Variants in MCOLN2 observed in about 807,000 individuals in gnomAD.
The protein encoded by MCOLN2 is mucolipin-2.
Under a neutral mutation model 67.5 loss-of-function variants are expected in MCOLN2, and 57 were observed. That is an observed-to-expected ratio of 0.84 (90% CI 0.68 to 1.05). The LOEUF is 1.05. Ranked by LOEUF, MCOLN2 falls within the 50% of genes least tolerant of loss-of-function variation. The pLI, the probability that MCOLN2 is intolerant of heterozygous loss-of-function variation, is 0.00. For missense variants in MCOLN2, 620 were observed against 678.8 expected (o/e 0.91, Z 0.96); for synonymous variants, 246 against 233.3 (o/e 1.05, Z -0.50).
At chr1:84,989,324 A>G (rs941705184) in intron 1 of MCOLN2, among the ~76,000 whole-genome samples, 4 of 152,226 alleles carry the variant, frequency 2.6e-5, no homozygotes, top group Admixed American at 6.5e-5. Flanking sequence ...AGTCTAAAAT[A>G]TTAGTATTAA....
chr1:84,975,520 C>G (rs1326958795), intron 1 of MCOLN2, among the ~76,000 whole-genome samples: 1 of 152,140 alleles, frequency 6.6e-6, no homozygotes, highest in Non-Finnish European at 1.5e-5. Context: ...TCACAATGCC[C>G]AAGTCCTTTC....
chr1:84,937,764 G>C lies in MCOLN2; in HGVS notation c.1326C>G (p.Tyr442Ter), dbSNP rs768442819. 6.2e-7 allele frequency: 1 copy of C among 1,614,160 alleles called. No homozygotes were observed. Among genetic ancestry groups the C allele is most frequent in the Non-Finnish European group, 8.5e-7 (1 of 1,180,034 alleles). Reference protein sequence around the residue: ...TFCGWIVLGPYHDKFENLNTV... With the variant: ...TFCGWIVLGP ...AATGTGAGCTACACACCTTGTCATG[G>C]TATGGTCCTAAGACAATCCAGCCAC... The change falls in exon 11 of 14, where the codon TAC becomes TAG. Residue 442 changes from tyrosine (Y) to a stop codon, truncating the protein, a stop_gained. Coordinates refer to ENST00000370608, the MANE Select transcript of MCOLN2 (RefSeq NM_153259.4). LOFTEE classifies it high-confidence loss of function.
At chr1:84,990,932 C>A (rs1352417146) in intron 1 of MCOLN2, among the ~76,000 whole-genome samples, 1 of 149,214 alleles carries the variant, frequency 6.7e-6, no homozygotes, top group Non-Finnish European at 1.5e-5. Flanking sequence ...ACGACCCAGG[C>A]TGGAAAAAAA....
intron 7 of MCOLN2, among the ~76,000 whole-genome samples, chr1:84,943,543 A>G (rs923898838): frequency 6.6e-6 from 1 of 152,110 alleles, no homozygotes; most frequent in Admixed American, 6.5e-5. Flanking sequence ...AGAGTCTTCC[A>G]CAGCAACACC....
chr1:84,928,708 C>A (rs372096455), intron 13 of MCOLN2, among the ~76,000 whole-genome samples: 8 of 152,190 alleles, frequency 5.3e-5, no homozygotes, highest in Admixed American at 4.6e-4. Context: ...GAAAACAACT[C>A]TTCTCAGATC....
chr1:84,955,363 C>T (rs988820215), intron 4 of MCOLN2, among the ~76,000 whole-genome samples: 2 of 151,920 alleles, frequency 1.3e-5, no homozygotes, highest in East Asian at 1.9e-4. Context: ...TTTCACGGTG[C>T]GAAACATGTT....
At chr1:84,929,467 C>T (rs1661299849) in intron 13 of MCOLN2, 91 bp downstream of exon 13, 1 of 1,364,224 alleles carries the variant, frequency 7.3e-7, no homozygotes, top group Admixed American at 2.4e-5. Context: ...ATAAGCTGGT[C>T]TCTGAATGTA....
At chr1:84,927,499 T>C (rs1661221219) in intron 13 of MCOLN2, among the ~76,000 whole-genome samples, 1 of 152,212 alleles carries the variant, frequency 6.6e-6, no homozygotes, top group Non-Finnish European at 1.5e-5. Flanking sequence ...ACACACTTGG[T>C]TAATGGCAGT....
In MCOLN2 at chr1:84,952,341, T is replaced by G. The variant is rs1648531459; in HGVS notation, c.651-2A>C. 6.2e-7 allele frequency: 1 copy of G among 1,608,566 alleles called. No individual in the cohort carries two copies. The highest frequency in any genetic ancestry group is 8.5e-7 in the Non-Finnish European group (1 of 1,175,528). Reference sequence around the variant, plus strand: ...AAGGAGATTTCAACCTGTAAGAGCCTGAATAAAATATATTGAAAGGTATAA... The same window carrying G: ...AAGGAGATTTCAACCTGTAAGAGCCGGAATAAAATATATTGAAAGGTATAA... On this transcript the variant is annotated splice_acceptor_variant, in intron 5 of 13. Transcript: ENST00000370608. LOFTEE classifies it high-confidence loss of function.
At chr1:84,937,697 C>A (rs1647505557) in intron 11 of MCOLN2, 58 bp downstream of exon 11, 8 of 1,599,988 alleles carry the variant, frequency 5.0e-6, no homozygotes, top group Non-Finnish European at 6.8e-6. Flanking sequence ...GTGCTAGAAA[C>A]CCACGTTCAA....
At chr1:84,965,155 G>C (rs934032412) in intron 2 of MCOLN2, among the ~76,000 whole-genome samples, 1 of 152,162 alleles carries the variant, frequency 6.6e-6, no homozygotes, top group African/African-American at 2.4e-5. Context: ...TACTTAGATA[G>C]AGCACACTGT....
rs185915345 is a variant in MCOLN2 at position 84,939,078 on chromosome 1, G to A, written c.1110+475C>T. 1.2e-4 allele frequency among the ~76,000 whole-genome samples: 18 copies of A among 152,220 alleles called. No individual in the cohort carries two copies. The East Asian group carries it at 2.7e-3, about 23-fold the overall frequency. On this transcript the variant is annotated intron_variant, in intron 9 of 13. Coordinates refer to ENST00000370608, the MANE Select transcript of MCOLN2 (RefSeq NM_153259.4). ...CTCTGACCAACAGCAGAGAATGGAC[G>A]GGAGAATAGTGCGGTGAAGGAGGAG...
chr1:84,987,555 T>C (rs1446859049), intron 1 of MCOLN2, among the ~76,000 whole-genome samples: 1 of 82,644 alleles, frequency 1.2e-5, no homozygotes, highest in Non-Finnish European at 2.3e-5. Context: ...GATGTATACA[T>C]CTATGTATAC....
At chr1:84,929,452 C>T in intron 13 of MCOLN2, 106 bp downstream of exon 13, 1 of 1,264,282 alleles carries the variant, frequency 7.9e-7, no homozygotes, top group Non-Finnish European at 1.1e-6. Context: ...GAATTATTTC[C>T]CATGATAAGC....
At chr1:84,931,605 G>T in intron 11 of MCOLN2, 37 bp from the exon 12 acceptor site, 1 of 1,534,086 alleles carries the variant, frequency 6.5e-7, no homozygotes, top group Non-Finnish European at 9.0e-7. Context: ...CTGAAATAGA[G>T]TATTCTAAAA....
chr1:84,986,845 C>T (rs1650533598), intron 1 of MCOLN2, among the ~76,000 whole-genome samples: 1 of 152,112 alleles, frequency 6.6e-6, no homozygotes, highest in South Asian at 2.1e-4. Context: ...CACCTCACTC[C>T]TGCAAGAATA....
At chr1:84,961,071 C>T (rs1358009258) in intron 2 of MCOLN2, among the ~76,000 whole-genome samples, 1 of 152,180 alleles carries the variant, frequency 6.6e-6, no homozygotes, top group African/African-American at 2.4e-5. Flanking sequence ...TAATGCCCAT[C>T]ACAATGTCAA....
At chr1:84,982,814 T>A (rs1212621298) in intron 1 of MCOLN2, among the ~76,000 whole-genome samples, 3 of 152,198 alleles carry the variant, frequency 2.0e-5, no homozygotes, top group Non-Finnish European at 4.4e-5. Context: ...GCAATTATCC[T>A]GCCTCAGCCT....
chr1:84,956,730 G>T (rs1648815793), intron 3 of MCOLN2, 146 bp from the exon 4 acceptor site: 2 of 663,052 alleles, frequency 3.0e-6, no homozygotes, highest in Non-Finnish European at 4.8e-6. Flanking sequence ...ATACTACAAA[G>T]AAATCTTCTC....
Sources: allele counts gnomAD v4.1 joint callset (sites outside exome capture counted in the v4.1 genomes callset), GRCh38; gene constraint gnomAD v4.1.1; transcripts MANE v1.5; gene names NCBI Gene and HGNC (gene_info 2026-07-23, HGNC 2026-07-21).